Variants in CNTN5 observed in about 807,000 individuals in gnomAD.
CNTN5 encodes the protein contactin 5.
In CNTN5, 77 loss-of-function variants were observed where a neutral mutation model predicts 129.1. That is an observed-to-expected ratio of 0.60 (90% CI 0.50 to 0.72). CNTN5 has a LOEUF of 0.72. Ranked by LOEUF, CNTN5 falls within the 30% of genes least tolerant of loss-of-function variation. The probability of loss-of-function intolerance (pLI) is 0.00; values close to 1 mark genes in which losing one functional copy is unlikely to be tolerated. For synonymous variants in CNTN5, 509 were observed against 465.6 expected (o/e 1.09, Z -1.20); for missense variants, 1,478 against 1,328.8 (o/e 1.11, Z -1.75).
intron 1 of CNTN5, among the ~76,000 whole-genome samples, chr11:99,122,287 T>A (rs1187861506): frequency 6.6e-6 from 1 of 152,166 alleles, no homozygotes; most frequent in Non-Finnish European, 1.5e-5. Context: ...AAGGAAGATA[T>A]GTCTAATGGC....
intron 3 of CNTN5, among the ~76,000 whole-genome samples, chr11:99,557,979 T>G (rs1407540323): frequency 6.6e-6 from 1 of 151,794 alleles, no homozygotes; most frequent in African/African-American, 2.4e-5. Flanking sequence ...TTAGTACTAT[T>G]ATACGTTCAA....
At chr11:100,291,675 G>A (rs1374858540) in intron 18 of CNTN5, among the ~76,000 whole-genome samples, 19 of 150,702 alleles carry the variant, frequency 1.3e-4, no homozygotes, top group Non-Finnish European at 1.9e-4. Flanking sequence ...TGGGTGCAGC[G>A]CACCAGCATG....
intron 18 of CNTN5, among the ~76,000 whole-genome samples, chr11:100,285,397 A>C (rs973837797): frequency 5.9e-5 from 9 of 152,146 alleles, no homozygotes; most frequent in Non-Finnish European, 1.0e-4. Context: ...GAACAACAGG[A>C]GAGTCAAGAG....
chr11:99,415,563 T>G (rs1376833503), intron 2 of CNTN5, among the ~76,000 whole-genome samples: 1 of 152,202 alleles, frequency 6.6e-6, no homozygotes, highest in South Asian at 2.1e-4. Context: ...GTTTTATGGC[T>G]GTCTTTGACG....
intron 8 of CNTN5, among the ~76,000 whole-genome samples, chr11:99,961,560 CAA>C (rs1276196664): frequency 6.6e-6 from 1 of 152,104 alleles, no homozygotes; most frequent in Non-Finnish European, 1.5e-5. Context: ...ATTCTGAAAT[CAA>C]AGTTAGCACT....
chr11:99,526,186 A>G (rs1307441465), intron 2 of CNTN5, among the ~76,000 whole-genome samples: 3 of 152,198 alleles, frequency 2.0e-5, no homozygotes, highest in Non-Finnish European at 4.4e-5. Context: ...ATCTAATAAT[A>G]AAGAAGAGAA....
chr11:99,741,303 C>T (rs189591011), intron 3 of CNTN5, among the ~76,000 whole-genome samples: 126 of 152,216 alleles, frequency 8.3e-4, no homozygotes, highest in African/African-American at 2.6e-3. Context: ...TAAGTAGCTA[C>T]GGAACTATAT....
chr11:99,840,784 T>G (rs1444642373), intron 4 of CNTN5, among the ~76,000 whole-genome samples: 1 of 152,190 alleles, frequency 6.6e-6, no homozygotes, highest in Non-Finnish European at 1.5e-5. Context: ...TTTGCTATTA[T>G]ACAGCATTTG....
At chr11:100,101,161 A>T (rs1945210413) in intron 13 of CNTN5, among the ~76,000 whole-genome samples, 1 of 152,096 alleles carries the variant, frequency 6.6e-6, no homozygotes, top group Admixed American at 6.6e-5. Context: ...AAAAATGGAG[A>T]TTTGCATCAA....
At chr11:100,175,644 A>G (rs912816971) in intron 13 of CNTN5, among the ~76,000 whole-genome samples, 4 of 152,132 alleles carry the variant, frequency 2.6e-5, no homozygotes, top group Non-Finnish European at 5.9e-5. Context: ...GTAACAAATC[A>G]AAGAGCCTGG....
intron 9 of CNTN5, among the ~76,000 whole-genome samples, chr11:100,030,557 A>G (rs1941655786): frequency 6.6e-6 from 1 of 152,194 alleles, no homozygotes; most frequent in Admixed American, 6.5e-5. Flanking sequence ...CAAGTGTGCC[A>G]TGTATTGTGT....
chr11:99,996,403 A>G (rs1032892513), intron 8 of CNTN5, among the ~76,000 whole-genome samples: 1 of 152,138 alleles, frequency 6.6e-6, no homozygotes, highest in African/African-American at 2.4e-5. Flanking sequence ...CTGATAATCA[A>G]TGCTCTCTAT....
Position 99,315,495 on chromosome 11 carries a change from T to A in CNTN5, c.-209-9851T>A, listed in dbSNP as rs1865301829. 1.3e-5 allele frequency among the ~76,000 whole-genome samples: 2 copies of A among 149,540 alleles called. 1 individual carries two copies. Among genetic ancestry groups the A allele is most frequent in the Non-Finnish European group, 3.0e-5 (2 of 66,762 alleles). The stretch of plus-strand genomic sequence containing the variant: ...GGAGATGGAAAAGAAAATTCCAGAT[T>A]TGGCACCTACTTCTGAGTCATCAAC... On this transcript the variant is annotated intron_variant, in intron 1 of 24. Coordinates refer to ENST00000524871, the MANE Select transcript of CNTN5 (RefSeq NM_014361.4).
intron 4 of CNTN5, among the ~76,000 whole-genome samples, chr11:99,824,436 G>A (rs769641882): frequency 1.3e-5 from 2 of 152,026 alleles, no homozygotes; most frequent in African/African-American, 4.8e-5. Flanking sequence ...TATGTTGACT[G>A]TTATTTCTGT....
chr11:99,564,073 G>GT (rs950917088), intron 3 of CNTN5, among the ~76,000 whole-genome samples: 16 of 151,842 alleles, frequency 1.1e-4, no homozygotes, highest in East Asian at 3.9e-4. Flanking sequence ...AAGCAATTCT[G>GT]TTTTTTTTAA....
At chr11:99,737,274 A>G (rs1943743104) in intron 3 of CNTN5, among the ~76,000 whole-genome samples, 1 of 152,032 alleles carries the variant, frequency 6.6e-6, no homozygotes, top group Non-Finnish European at 1.5e-5. Context: ...ATAACTTATC[A>G]TATTCTTCGT....
chr11:100,244,242 G>T (rs1281607138), intron 16 of CNTN5, among the ~76,000 whole-genome samples: 3 of 152,006 alleles, frequency 2.0e-5, no homozygotes, highest in Non-Finnish European at 4.4e-5. Context: ...CAGTCTTTTG[G>T]AATATTTGTT....
intron 1 of CNTN5, among the ~76,000 whole-genome samples, chr11:99,294,778 G>A (rs140884990): frequency 7.9e-5 from 12 of 152,308 alleles, no homozygotes; most frequent in East Asian, 5.8e-4. Context: ...TGTCGACGAC[G>A]TTCAGTAGTT....
chr11:99,499,260 G>A (rs555767030), intron 2 of CNTN5, among the ~76,000 whole-genome samples: 3 of 152,202 alleles, frequency 2.0e-5, no homozygotes, highest in African/African-American at 7.2e-5. Flanking sequence ...TAGTGCTATG[G>A]TTTGAATGTG....
Sources: gnomAD v4.1 joint callset for allele counts (sites outside exome capture counted in the v4.1 genomes callset) on GRCh38, gnomAD v4.1.1 for gene constraint, MANE v1.5 for transcripts, NCBI Gene and HGNC (gene_info 2026-07-23, HGNC 2026-07-21) for gene names.